THADA: variants seen among roughly 807,000 people sequenced by gnomAD.
The protein encoded by THADA is THADA armadillo repeat containing, also known as tRNA (32-2'-O)-methyltransferase regulator THADA.
In THADA, 213 loss-of-function variants were observed where a neutral mutation model predicts 219.8. The ratio of observed to expected loss-of-function variants is 0.97; its 90% CI spans 0.87 to 1.09. THADA has a LOEUF of 1.09. Ranked by LOEUF, THADA falls within the 50% of genes least tolerant of loss-of-function variation. The pLI is 0.00. For missense variants in THADA, 2,956 were observed against 2,311.3 expected (o/e 1.28, Z -5.72); for synonymous variants, 1,018 against 828.9 (o/e 1.23, Z -3.92).
chr2:43,557,016 A>G (rs989080651), intron 16 of THADA, among the ~76,000 whole-genome samples: 2 of 152,158 alleles, frequency 1.3e-5, no homozygotes, highest in Admixed American at 1.3e-4. Flanking sequence ...TCAGGAGTTC[A>G]TGGCTGCAGT....
chr2:43,297,169 T>G (rs1375360975), intron 31 of THADA, among the ~76,000 whole-genome samples: 3 of 81,786 alleles, frequency 3.7e-5, no homozygotes, highest in Non-Finnish European at 7.1e-5. Flanking sequence ...GTCTGAGATG[T>G]GGGGAGCGCC....
intron 31 of THADA, among the ~76,000 whole-genome samples, chr2:43,316,478 A>G (rs569210938): frequency 5.3e-5 from 8 of 152,242 alleles, no homozygotes; most frequent in Non-Finnish European, 1.0e-4. Flanking sequence ...TGACATTCTA[A>G]GCCAGGTATG....
intron 31 of THADA, among the ~76,000 whole-genome samples, chr2:43,316,573 G>A (rs1678103072): frequency 6.6e-6 from 1 of 152,174 alleles, no homozygotes; most frequent in South Asian, 2.1e-4. Context: ...AAGGCGAGGA[G>A]GTGAACACAA....
At chr2:43,477,138 T>G (rs1344036667) in intron 26 of THADA, among the ~76,000 whole-genome samples, 3 of 152,226 alleles carry the variant, frequency 2.0e-5, no homozygotes, top group Non-Finnish European at 4.4e-5. Flanking sequence ...ATATATCTAC[T>G]GCTCCTAATA....
At chr2:43,272,920 C>T (rs1672296984) in intron 36 of THADA, among the ~76,000 whole-genome samples, 1 of 152,050 alleles carries the variant, frequency 6.6e-6, no homozygotes, top group Admixed American at 6.5e-5. Context: ...GCCACTGTGC[C>T]TAGCCCCAAT....
At chr2:43,231,701 G>A (rs1558437366) in intron 37 of THADA, among the ~76,000 whole-genome samples, 1 of 152,176 alleles carries the variant, frequency 6.6e-6, no homozygotes, top group Non-Finnish European at 1.5e-5. Flanking sequence ...GGAAATTGGA[G>A]AGGAGGGAGG....
intron 29 of THADA, among the ~76,000 whole-genome samples, chr2:43,392,900 TACAGTG>T (rs1673561729): frequency 6.6e-6 from 1 of 152,186 alleles, no homozygotes; most frequent in South Asian, 2.1e-4. Flanking sequence ...GTAAGCAAGC[TACAGTG>T]TCTGCTGAAT....
intron 26 of THADA, among the ~76,000 whole-genome samples, chr2:43,471,389 G>A (rs1487975991): frequency 5.9e-5 from 9 of 152,070 alleles, no homozygotes; most frequent in African/African-American, 2.2e-4. Context: ...TCGCTAGGCA[G>A]GGTGGTGCAC....
At chr2:43,432,930 A>T (rs1172457620) in intron 26 of THADA, among the ~76,000 whole-genome samples, 2 of 152,154 alleles carry the variant, frequency 1.3e-5, no homozygotes, top group Admixed American at 1.3e-4. Context: ...TTGCCAACTT[A>T]TTTAATAATG....
chr2:43,293,020 A>G lies in THADA; in HGVS notation c.4632T>C (p.Ser1544=), dbSNP rs749827842. The G allele has an allele frequency of 1.9e-6, 3 of 1,614,018 alleles. No individual in the cohort carries two copies. The highest frequency in any genetic ancestry group is 2.5e-6 in the Non-Finnish European group (3 of 1,179,902). Residue 1544 remains serine (S), a synonymous_variant, in exon 32 of 38, where the codon TCT becomes TCC. Transcript: ENST00000405975. The stretch of plus-strand genomic sequence containing the variant: ...AGGCAGATTCTAACAGCTGAGAGAA[A>G]GAGATGGGGACATTCGTCTCCCGCT... The part of the protein sequence containing the change: ...SGERETNVPI[S]FSQLLESAFP...
chr2:43,369,141 T>C (rs1670511018), intron 29 of THADA, among the ~76,000 whole-genome samples: 1 of 152,186 alleles, frequency 6.6e-6, no homozygotes, highest in Non-Finnish European at 1.5e-5. Flanking sequence ...CACCAAACAT[T>C]GTTACTAAAT....
chr2:43,525,779 T>G (rs527427859), intron 22 of THADA, among the ~76,000 whole-genome samples: 1 of 152,320 alleles, frequency 6.6e-6, no homozygotes, highest in East Asian at 1.9e-4. Context: ...ACAGCTTTCC[T>G]TCTAAGCATA....
At chr2:43,492,952 C>A (rs1190869881) in intron 25 of THADA, among the ~76,000 whole-genome samples, 2 of 152,168 alleles carry the variant, frequency 1.3e-5, no homozygotes, top group Non-Finnish European at 2.9e-5. Context: ...AGCTCCATGC[C>A]AAGGCACGCG....
At chr2:43,396,909 A>G (rs935826145) in intron 29 of THADA, among the ~76,000 whole-genome samples, 3 of 152,168 alleles carry the variant, frequency 2.0e-5, no homozygotes, top group Non-Finnish European at 4.4e-5. Context: ...TCATTATAGT[A>G]TAGGTTTATT....
At chr2:43,554,901 A>G (rs150349651) in intron 17 of THADA, among the ~76,000 whole-genome samples, 50 of 152,284 alleles carry the variant, frequency 3.3e-4, no homozygotes, top group Non-Finnish European at 5.9e-4. Flanking sequence ...AGATTTTGGA[A>G]TATCTGCATC....
chr2:43,321,480 T>C (rs571177861), intron 30 of THADA, among the ~76,000 whole-genome samples: 4 of 152,292 alleles, frequency 2.6e-5, no homozygotes, highest in South Asian at 2.1e-4. Context: ...TAAGAGGTGA[T>C]TGGGTCATGA....
intron 26 of THADA, among the ~76,000 whole-genome samples, chr2:43,461,021 G>A (rs1451236008): frequency 1.3e-5 from 2 of 152,206 alleles, no homozygotes; most frequent in Non-Finnish European, 2.9e-5. Flanking sequence ...AGGCAGAGGT[G>A]TATAAGGTTT....
rs547216138 is a variant in THADA at position 43,514,654 on chromosome 2, ATT to A, written c.3375-5876_3375-5875del. 5.1e-3 allele frequency among the ~76,000 whole-genome samples: 465 copies of A among 90,916 alleles called. 40 individuals carry two copies. Among genetic ancestry groups the A allele is most frequent in the African/African-American group, 0.021 (421 of 20,084 alleles). 59.6% of individuals were successfully genotyped at this position (90,916 alleles called of 152,430 possible). ...TGTATATTTTATATATAATATATAT[ATT>A]GTATATAATAATATATAATATATTA... On this transcript the variant is annotated intron_variant, in intron 22 of 37. Transcript: ENST00000405975.
chr2:43,317,968 G>C (rs1678264198), intron 31 of THADA, among the ~76,000 whole-genome samples: 1 of 152,068 alleles, frequency 6.6e-6, no homozygotes, highest in African/African-American at 2.4e-5. Context: ...ATTTGACAAA[G>C]TTAAACACAT....
Sources: gnomAD v4.1 joint callset for allele counts (sites outside exome capture counted in the v4.1 genomes callset) on GRCh38, gnomAD v4.1.1 for gene constraint, MANE v1.5 for transcripts, NCBI Gene and HGNC (gene_info 2026-07-23, HGNC 2026-07-21) for gene names.